The following EFCAB7 variants were observed in gnomAD, a reference collection of about 807,000 sequenced individuals.
EFCAB7 encodes EF-hand calcium binding domain 7.
In EFCAB7, 66 loss-of-function variants were observed where a neutral mutation model predicts 77.1. The observed-to-expected ratio is 0.86, with a 90% confidence interval of 0.70 to 1.05. EFCAB7 has a LOEUF of 1.05. EFCAB7 is among the 50% of genes least tolerant of loss of function. The pLI is 0.00. For synonymous variants in EFCAB7, 225 were observed against 243.3 expected (o/e 0.92, Z 0.70); for missense variants, 638 against 730.5 (o/e 0.87, Z 1.46).
At chr1:63,561,976 G>A (rs1055172810) in intron 11 of EFCAB7, 119 bp downstream of exon 11, 3 of 592,188 alleles carry the variant, frequency 5.1e-6, no homozygotes, top group Non-Finnish European at 7.6e-6. Flanking sequence ...TTTAGTATAT[G>A]AATGAATCCT....
chr1:63,532,518 A>G (rs1166074091), intron 3 of EFCAB7, 152 bp from the exon 4 acceptor site: 3 of 559,938 alleles, frequency 5.4e-6, no homozygotes, highest in African/African-American at 2.0e-5. Flanking sequence ...TAGCCGCCTC[A>G]TTCTTTCTTT....
intron 7 of EFCAB7, chr1:63,549,665 A>G (rs1199073587): frequency 6.3e-6 from 2 of 316,212 alleles, no homozygotes; most frequent in African/African-American, 2.3e-5. Context: ...ACTATCATCA[A>G]TACATTCCCA....
intron 11 of EFCAB7, among the ~76,000 whole-genome samples, chr1:63,566,663 A>G (rs1183716936): frequency 1.3e-5 from 2 of 152,048 alleles, no homozygotes. Flanking sequence ...AGTACTGAAC[A>G]AATAAACCTT....
intron 10 of EFCAB7, among the ~76,000 whole-genome samples, chr1:63,557,455 G>A (rs1647045991): frequency 6.6e-6 from 1 of 152,166 alleles, no homozygotes; most frequent in South Asian, 2.1e-4. Flanking sequence ...TTAAAAGAAA[G>A]TGTGAATTAC....
At chr1:63,585,204 T>TTTAC in the EFCAB7 span, among the ~76,000 whole-genome samples, 2 of 151,994 alleles carry the variant, frequency 1.3e-5, no homozygotes, top group African/African-American at 2.4e-5. Context: ...GGATATTCAG[T>TTTAC]TTACCTATTC....
chr1:63,576,318 A>G (rs1647412828), downstream of EFCAB7, among the ~76,000 whole-genome samples: 1 of 150,124 alleles, frequency 6.7e-6, no homozygotes, highest in South Asian at 2.1e-4. Context: ...TGTCTCTACT[A>G]AAAATATAAA....
chr1:63,543,781 C>T (rs1393777739), intron 6 of EFCAB7, among the ~76,000 whole-genome samples: 1 of 152,046 alleles, frequency 6.6e-6, no homozygotes, highest in South Asian at 2.1e-4. Context: ...TTATTAAAGC[C>T]TTGAACTTAT....
chr1:63,567,812 A>G (rs1330458551), intron 11 of EFCAB7, among the ~76,000 whole-genome samples: 2 of 152,204 alleles, frequency 1.3e-5, no homozygotes, highest in African/African-American at 4.8e-5. Context: ...TAAGGTAGAT[A>G]TTAGAAAAAT....
intron 1 of EFCAB7, among the ~76,000 whole-genome samples, chr1:63,524,560 T>C (rs6588049): frequency 0.99 from 150,696 of 152,330 alleles, 74,557 homozygotes; most frequent in Middle Eastern, 1. Flanking sequence ...CTACCTGTGT[T>C]ATCTTATTAT....
At chr1:63,579,074 T>A in the EFCAB7 span, among the ~76,000 whole-genome samples, 2 of 152,166 alleles carry the variant, frequency 1.3e-5, no homozygotes, top group African/African-American at 4.8e-5. Flanking sequence ...ATTTGACCCT[T>A]TTTTGGTGGG....
downstream of EFCAB7, among the ~76,000 whole-genome samples, chr1:63,574,264 T>A (rs1647349493): frequency 6.6e-6 from 1 of 152,050 alleles, no homozygotes; most frequent in Non-Finnish European, 1.5e-5. Flanking sequence ...TAGAGTCCCA[T>A]GATGGAAAGG....
intron 12 of EFCAB7, 140 bp downstream of exon 12, chr1:63,568,659 C>T (rs1647197850): frequency 8.3e-6 from 5 of 601,026 alleles, no homozygotes; most frequent in African/African-American, 2.0e-5. Context: ...TATTTTTTCT[C>T]CTCAGGTTTC....
chr1:63,553,025 G>T (rs1306833813), intron 8 of EFCAB7, among the ~76,000 whole-genome samples: 1 of 152,142 alleles, frequency 6.6e-6, no homozygotes, highest in African/African-American at 2.4e-5. Context: ...AATTATAATA[G>T]AGTTTGCATG....
downstream of EFCAB7, among the ~76,000 whole-genome samples, chr1:63,574,606 A>G (rs949344981): frequency 5.4e-4 from 82 of 152,168 alleles, 3 homozygotes. Context: ...TATCAGCATA[A>G]GCATTGTCTT....
chr1:63,584,750 A>G, the EFCAB7 span, among the ~76,000 whole-genome samples: 20 of 152,320 alleles, frequency 1.3e-4, no homozygotes, highest in South Asian at 6.2e-4. Context: ...ATGGTAACAA[A>G]TAACATTTTC....
intron 11 of EFCAB7, 76 bp downstream of exon 11, chr1:63,561,933 T>C (rs1038764223): frequency 4.3e-6 from 5 of 1,170,956 alleles, no homozygotes; most frequent in Middle Eastern, 2.6e-4. Flanking sequence ...TCCTGACATA[T>C]AACTTTCGAA....
At chr1:63,530,559 C>T (rs1479994258) in intron 2 of EFCAB7, among the ~76,000 whole-genome samples, 1 of 152,170 alleles carries the variant, frequency 6.6e-6, no homozygotes, top group South Asian at 2.1e-4. Flanking sequence ...ATATGACATA[C>T]ATAAATATAC....
intron 1 of EFCAB7, 133 bp from the exon 2 acceptor site, chr1:63,525,439 C>T: frequency 4.7e-6 from 3 of 638,528 alleles, no homozygotes; most frequent in South Asian, 3.9e-5. Flanking sequence ...ATATCTTGAT[C>T]TTTTCATATA....
the EFCAB7 span, among the ~76,000 whole-genome samples, chr1:63,578,520 C>T: frequency 4.4e-4 from 67 of 151,396 alleles, 2 homozygotes; most frequent in Non-Finnish European, 4.4e-5. Context: ...CAGCTCACTG[C>T]AAGCTCCGCC....
Sources: gnomAD v4.1 joint callset for allele counts (sites outside exome capture counted in the v4.1 genomes callset) on GRCh38, gnomAD v4.1.1 for gene constraint, MANE v1.5 for transcripts, NCBI Gene and HGNC (gene_info 2026-07-23, HGNC 2026-07-21) for gene names.